MRPL44: variants seen among roughly 807,000 people sequenced by gnomAD.
MRPL44 encodes the protein mitochondrial ribosomal protein L44.
MRPL44 carries 21 observed loss-of-function variants against 25.9 expected under a neutral mutation model. The ratio of observed to expected loss-of-function variants is 0.81; its 90% CI spans 0.58 to 1.17. MRPL44 has a LOEUF of 1.17. MRPL44 is among the 50% of genes most tolerant of loss of function. The pLI is 0.00. For missense variants in MRPL44, 410 were observed against 398.9 expected (o/e 1.03, Z -0.24); for synonymous variants, 169 against 151.0 (o/e 1.12, Z -0.87).
At chr2:223,966,235 CAAAA>C (rs35614150) in intron 3 of MRPL44, among the ~76,000 whole-genome samples, 5 of 123,708 alleles carry the variant, frequency 4.0e-5, no homozygotes, top group Admixed American at 8.1e-5. Flanking sequence ...GACTCAGTCT[CAAAA>C]AAAAAAAAAA....
Position 223,967,331 on chromosome 2 carries a change from C to A in MRPL44, c.*297C>A. 4.7e-6 allele frequency: 1 copy of A among 214,484 alleles called. No individual in the cohort carries two copies. The highest frequency in any genetic ancestry group is 9.3e-6 in the Non-Finnish European group (1 of 108,046). 13.3% of individuals were successfully genotyped at this position (214,484 alleles called of 1,614,324 possible). A position where few individuals can be genotyped will look rare whatever the true frequency, so the allele number is the denominator to read the frequency against. ...CACTGCAACCTCCACCTCACAGGTTCAAGCGATTCTCGTGGCTCAGCCTCC... is the reference window on the plus strand; with the variant it reads ...CACTGCAACCTCCACCTCACAGGTTAAAGCGATTCTCGTGGCTCAGCCTCC... On this transcript the variant is annotated 3_prime_UTR_variant, in exon 4 of 4. Coordinates refer to ENST00000258383, the MANE Select transcript of MRPL44 (RefSeq NM_022915.5).
chr2:223,952,688 AAAAGACTGTCAC>A (rs1689509893), upstream of MRPL44, among the ~76,000 whole-genome samples: 1 of 152,230 alleles, frequency 6.6e-6, no homozygotes, highest in African/African-American at 2.4e-5. Flanking sequence ...CTTGATGTGT[AAAAGACTGTCAC>A]CTGCTCTTGT....
At chr2:223,955,345 T>C (rs1228180671), upstream of MRPL44, among the ~76,000 whole-genome samples, 1 of 152,230 alleles carries the variant, frequency 6.6e-6, no homozygotes, top group Non-Finnish European at 1.5e-5. Context: ...ATGGTAATTA[T>C]TTCTGTCTGT....
chr2:223,960,087 G>A, intron 2 of MRPL44, 85 bp downstream of exon 2: 1 of 1,144,524 alleles, frequency 8.7e-7, no homozygotes, highest in East Asian at 2.5e-5. Context: ...ATATCACCTT[G>A]GAAGTGAATT....
chr2:223,955,739 C>T (rs1689555231), upstream of MRPL44, among the ~76,000 whole-genome samples: 1 of 152,162 alleles, frequency 6.6e-6, no homozygotes, highest in African/African-American at 2.4e-5. Flanking sequence ...GGGCTAACAG[C>T]AGGTTAAAGG....
In MRPL44 at chr2:223,967,107, A is replaced by G. The variant is rs1689754373; in HGVS notation, c.*73A>G. ...ATGTCAAAGGTGTTTCAAGCCAGAC[A>G]TTTTCACAATTGTGAAGAAATAGAT... On this transcript the variant is annotated 3_prime_UTR_variant, in exon 4 of 4. Coordinates refer to ENST00000258383, the MANE Select transcript of MRPL44 (RefSeq NM_022915.5). 1 of 1,356,330 alleles carries G rather than the reference A, an allele frequency of 7.4e-7. No individual in the cohort carries two copies. Among genetic ancestry groups the G allele is most frequent in the African/African-American group, 1.5e-5 (1 of 68,234 alleles). The allele number at this position is 1,356,330 out of a possible 1,614,324, so 84.0% of individuals were successfully genotyped here.
upstream of MRPL44, among the ~76,000 whole-genome samples, chr2:223,956,005 AAC>A (rs1689558515): frequency 1.3e-5 from 2 of 152,230 alleles, no homozygotes; most frequent in Admixed American, 1.3e-4. Flanking sequence ...AGAAACTCTC[AAC>A]ACAGAGACAC....
At chr2:223,957,455 A>G, upstream of MRPL44, 7 of 1,614,094 alleles carry the variant, frequency 4.3e-6, no homozygotes, top group Admixed American at 1.7e-5. Flanking sequence ...TCCGTCTTCC[A>G]TCGTTTTCTC....
chr2:223,965,827 CTTTT>C (rs936806338), intron 3 of MRPL44: 1 of 150,676 alleles, frequency 6.6e-6, no homozygotes, highest in Non-Finnish European at 1.5e-5. Flanking sequence ...TTTTGAAGCT[CTTTT>C]TTTTTCCTTT....
chr2:223,963,710 G>A (rs1433692211), intron 2 of MRPL44, 46 bp from the exon 3 acceptor site: 2 of 1,253,846 alleles, frequency 1.6e-6, no homozygotes, highest in Middle Eastern at 2.6e-4. Context: ...TTGTCCTAAT[G>A]TTCTTTCTAC....
intron 3 of MRPL44, 90 bp from the exon 4 acceptor site, chr2:223,966,773 A>G: frequency 9.0e-7 from 1 of 1,109,886 alleles, no homozygotes; most frequent in Non-Finnish European, 1.3e-6. Context: ...ATTGAAATAG[A>G]TGTAGAAGGC....
chr2:223,967,663 A>C lies in MRPL44; in HGVS notation c.*629A>C, dbSNP rs143136727. On this transcript the variant is annotated 3_prime_UTR_variant, in exon 4 of 4. Coordinates refer to ENST00000258383, the MANE Select transcript of MRPL44 (RefSeq NM_022915.5). ...TGAGGTATCATAATTTATGTATCTT[A>C]TGTGAATTTTTTGCTGTAATACCAA... 113 of 152,252 alleles carry C rather than the reference A, an allele frequency of 7.4e-4. No homozygotes were observed. The highest frequency in any genetic ancestry group is 2.6e-3 in the African/African-American group (108 of 41,564). The allele number at this position is 152,252 out of a possible 1,614,324, so 9.4% of individuals were successfully genotyped here. A position where few individuals can be genotyped will look rare whatever the true frequency, so the allele number is the denominator to read the frequency against.
chr2:223,957,642 C>T lies in MRPL44; in HGVS notation c.170C>T (p.Pro57Leu). ...CGCCTTCTGCGGTGCCCGCCGCCGC[C>T]CGTGCGCCGGTAGGAGCCACCTCGG... ...RQRLLRCPPP[P>L]VRRSEKPNWD... Residue 57 changes from proline to leucine, a missense_variant, in exon 1 of 4, where the codon CCC becomes CTC. Pro to Leu is a moderately conservative substitution (Grantham distance 98). Transcript: ENST00000258383. The T allele has an allele frequency of 1.2e-6, 2 of 1,607,290 alleles. No individual in the cohort carries two copies. Among genetic ancestry groups the T allele is most frequent in the East Asian group, 2.2e-5 (1 of 44,846 alleles).
At chr2:223,966,490 TTAAAAA>T (rs1689743497) in intron 3 of MRPL44, among the ~76,000 whole-genome samples, 2 of 152,336 alleles carry the variant, frequency 1.3e-5, no homozygotes, top group African/African-American at 2.4e-5. Context: ...ATATCACACA[TTAAAAA>T]TAAAAATAGT....
chr2:223,956,327 T>G (rs1408535356), upstream of MRPL44, among the ~76,000 whole-genome samples: 1 of 152,216 alleles, frequency 6.6e-6, no homozygotes, highest in Non-Finnish European at 1.5e-5. Flanking sequence ...ACCATTTAGA[T>G]TCTCCCTTTT....
rs1559184211 is a variant in MRPL44, at chr2:223,959,977, C to T, written c.623C>T (p.Pro208Leu). The T allele has an allele frequency of 1.2e-6, 2 of 1,613,316 alleles. No individual in the cohort carries two copies. Among genetic ancestry groups the T allele is most frequent in the Non-Finnish European group, 1.7e-6 (2 of 1,179,592 alleles). The change falls in exon 2 of 4, where the codon CCT becomes CTT. Residue 208 changes from proline (P) to leucine (L), a missense_variant. Coordinates refer to ENST00000258383, the MANE Select transcript of MRPL44 (RefSeq NM_022915.5). ...VIGALLQSSGPERTALFIRDF... is the reference protein window; with the variant it reads ...VIGALLQSSGLERTALFIRDF... ...GGAGCCCTGTTACAGAGCAGTGGAC[C>T]TGAGAGGACTGCACTTTTCATCAGG...
upstream of MRPL44, chr2:223,957,342 G>A (rs1168660963): frequency 2.5e-6 from 3 of 1,194,030 alleles, no homozygotes; most frequent in African/African-American, 1.5e-5. Flanking sequence ...TCTCTCAGTC[G>A]CCCCGCCCCG....
chr2:223,957,646 G>T lies in MRPL44; in HGVS notation c.174G>T (p.Val58=), dbSNP rs765747156. The T allele has an allele frequency of 1.2e-6, 2 of 1,606,224 alleles. No homozygotes were observed. The highest frequency in any genetic ancestry group is 1.7e-6 in the Non-Finnish European group (2 of 1,179,346). Reference sequence around the variant, plus strand: ...TTCTGCGGTGCCCGCCGCCGCCCGTGCGCCGGTAGGAGCCACCTCGGGAAG... The same window carrying T: ...TTCTGCGGTGCCCGCCGCCGCCCGTTCGCCGGTAGGAGCCACCTCGGGAAG... The part of the protein sequence containing the change: ...QRLLRCPPPP[V]RRSEKPNWDY... Residue 58 remains valine (V), a synonymous_variant, in exon 1 of 4, where the codon GTG becomes GTT. Transcript: ENST00000258383.
upstream of MRPL44, chr2:223,957,381 C>A: frequency 3.9e-6 from 6 of 1,526,932 alleles, no homozygotes; most frequent in Non-Finnish European, 3.6e-6. Context: ...GCCTTCTCTT[C>A]GCGTTCCGCG....
Sources: gnomAD v4.1 joint callset for allele counts (sites outside exome capture counted in the v4.1 genomes callset) on GRCh38, gnomAD v4.1.1 for gene constraint, MANE v1.5 for transcripts, NCBI Gene and HGNC (gene_info 2026-07-23, HGNC 2026-07-21) for gene names.